TNFRSF10A: variants seen among roughly 807,000 people sequenced by gnomAD.
The protein encoded by TNFRSF10A is tumor necrosis factor receptor superfamily member 10A.
In TNFRSF10A, 44 loss-of-function variants were observed where a neutral mutation model predicts 42.8. The observed-to-expected ratio is 1.03, with a 90% confidence interval of 0.81 to 1.32. The LOEUF (loss-of-function observed/expected upper bound fraction) is 1.32, where lower values mean the gene tolerates loss of function less well. Ranked by LOEUF, TNFRSF10A falls within the 40% of genes most tolerant of loss-of-function variation. The pLI is 0.00. For synonymous variants in TNFRSF10A, 259 were observed against 234.2 expected, an observed-to-expected ratio of 1.11 and a Z score of -0.97; for missense variants, 680 against 602.0, an observed-to-expected ratio of 1.13 and a Z score of -1.36.
chr8:23,197,028 G>T (rs1800831716), intron 9 of TNFRSF10A, 104 bp downstream of exon 9: 2 of 1,482,332 alleles, frequency 1.3e-6, no homozygotes, highest in Non-Finnish European at 1.9e-6. Context: ...CCAGTTTCTG[G>T]CATGGAATGC....
intron 1 of TNFRSF10A, among the ~76,000 whole-genome samples, chr8:23,218,288 G>T (rs926024145): frequency 6.6e-6 from 1 of 152,086 alleles, no homozygotes; most frequent in African/African-American, 2.4e-5. Context: ...TCACCAGGGG[G>T]TTTCCTTGCC....
At chr8:23,209,513 C>A (rs1337450770) in intron 2 of TNFRSF10A, among the ~76,000 whole-genome samples, 5 of 152,210 alleles carry the variant, frequency 3.3e-5, no homozygotes, top group African/African-American at 1.2e-4. Flanking sequence ...GCCACAGGGG[C>A]GGAGCTGCCC....
intron 8 of TNFRSF10A, among the ~76,000 whole-genome samples, chr8:23,198,461 G>T (rs1800855274): frequency 6.6e-6 from 1 of 152,134 alleles, no homozygotes. Flanking sequence ...GGGGCAAGAA[G>T]AAATTAGGAA....
chr8:23,221,749 C>A (rs1332757012), intron 1 of TNFRSF10A, among the ~76,000 whole-genome samples: 1 of 152,182 alleles, frequency 6.6e-6, no homozygotes, highest in Admixed American at 6.5e-5. Flanking sequence ...TTCCTGGATC[C>A]TTGAAAATCT....
chr8:23,201,891 C>G lies in TNFRSF10A; in HGVS notation c.546G>C (p.Thr182=), dbSNP rs1390363755. ...SDEEERSPCT[T]TRNTACQCKP... is the part of the protein sequence containing the mutation. Reference sequence around the variant, plus strand: ...TGCACTGACATGCTGTGTTCCTGGTCGTGGTGCAGGGACTTCTCTCTTCTT... The same window carrying G: ...TGCACTGACATGCTGTGTTCCTGGTGGTGGTGCAGGGACTTCTCTCTTCTT... Residue 182 remains threonine (T), a synonymous_variant, in exon 4 of 10, where the codon ACG becomes ACC. Coordinates refer to ENST00000221132, the MANE Select transcript of TNFRSF10A (RefSeq NM_003844.4). 1 of 1,614,090 alleles carries G rather than the reference C, an allele frequency of 6.2e-7. No individual in the cohort carries two copies. Among genetic ancestry groups the G allele is most frequent in the African/African-American group, 1.3e-5 (1 of 75,010 alleles).
chr8:23,197,015 C>T (rs1292699424), intron 9 of TNFRSF10A, 117 bp downstream of exon 9: 1 of 1,345,808 alleles, frequency 7.4e-7, no homozygotes, highest in Non-Finnish European at 1.1e-6. Flanking sequence ...TAGCATAGGA[C>T]CCCCAGTTTC....
In TNFRSF10A at chr8:23,191,741, A is replaced by C; in HGVS notation, c.1360T>G (p.Phe454Val). ...IQDLLVDSGK[F>V]IYLEDGTGSA... The stretch of plus-strand genomic sequence containing the variant: ...CCTGTGCCATCTTCTAAGTAGATGA[A>C]CTTTCCAGAGTCCACCAAGAGGTCC... The change falls in exon 10 of 10, where the codon TTC (phenylalanine) becomes GTC (valine). Residue 454 changes from phenylalanine (F) to valine (V), a missense_variant. By Grantham distance (50) the Phe-to-Val change is conservative. Coordinates refer to ENST00000221132, the MANE Select transcript of TNFRSF10A (RefSeq NM_003844.4). The C allele has an allele frequency of 6.2e-7, 1 of 1,614,142 alleles. No individual in the cohort carries two copies. Among genetic ancestry groups the C allele is most frequent in the Non-Finnish European group, 8.5e-7 (1 of 1,180,032 alleles).
At chr8:23,200,346 G>A (rs967541454) in intron 6 of TNFRSF10A, among the ~76,000 whole-genome samples, 159 bp downstream of exon 6, 4 of 152,054 alleles carry the variant, frequency 2.6e-5, no homozygotes, top group African/African-American at 9.7e-5. Context: ...GGGCCCTAGG[G>A]TTGCACAGGA....
chr8:23,224,769 C>A lies in TNFRSF10A; in HGVS notation c.293G>T (p.Gly98Val). The A allele has an allele frequency of 6.4e-7, 1 of 1,567,500 alleles. No individual in the cohort carries two copies. The highest frequency in any genetic ancestry group is 8.6e-7 in the Non-Finnish European group (1 of 1,156,370). Residue 98 changes from glycine to valine, a missense_variant, in exon 1 of 10, where the codon GGG (glycine) becomes GTG (valine). Coordinates refer to ENST00000221132, the MANE Select transcript of TNFRSF10A (RefSeq NM_003844.4). ...VHKTFKFVVVGVLLQVVPSSA... is the reference protein window; with the variant it reads ...VHKTFKFVVVVVLLQVVPSSA... Reference sequence around the variant, plus strand: ...GTGGGGACTCACCTGCAGCAGGACCCCGACGACGACAAACTTGAAGGTCTT... The same window carrying A: ...GTGGGGACTCACCTGCAGCAGGACCACGACGACGACAAACTTGAAGGTCTT...
intron 1 of TNFRSF10A, 77 bp from the exon 2 acceptor site, chr8:23,212,289 C>A (rs1585285873): frequency 7.9e-7 from 1 of 1,264,038 alleles, no homozygotes; most frequent in Admixed American, 1.7e-5. Flanking sequence ...ACATTCCATT[C>A]CCCCAAGCCT....
At chr8:23,198,114 T>C (rs1800850093) in intron 8 of TNFRSF10A, among the ~76,000 whole-genome samples, 1 of 152,084 alleles carries the variant, frequency 6.6e-6, no homozygotes, top group Non-Finnish European at 1.5e-5. Context: ...GATCATTGTC[T>C]AGATGAGCAT....
rs1158982611 is a variant in TNFRSF10A, at chr8:23,190,957, A to ATGTCC, written c.*736_*737insGGACA. 4 of 152,214 alleles carry ATGTCC rather than the reference A, an allele frequency of 2.6e-5. No homozygotes were observed. In the East Asian group the frequency reaches 7.7e-4, roughly 29 times the overall value. The allele number at this position is 152,214 out of a possible 1,614,324, so 9.4% of individuals were successfully genotyped here. A position where few individuals can be genotyped will look rare whatever the true frequency, so the allele number is the denominator to read the frequency against. ...CCTAGACTCTGATGTCCACAGGCAG[A>ATGTCC]AGAGTGTCCCAGCTCCAGGAGATCA... On this transcript the variant is annotated 3_prime_UTR_variant, in exon 10 of 10. Coordinates refer to ENST00000221132, the MANE Select transcript of TNFRSF10A (RefSeq NM_003844.4).
chr8:23,196,383 A>T (rs1800822998), intron 9 of TNFRSF10A, among the ~76,000 whole-genome samples: 1 of 152,116 alleles, frequency 6.6e-6, no homozygotes, highest in Non-Finnish European at 1.5e-5. Context: ...TTTTTAGTAC[A>T]GAAGGGGTTT....
At position 23,199,431 on chromosome 8, in the gene TNFRSF10A, C is replaced by G; in HGVS notation, c.849G>C (p.Leu283Phe). The G allele has an allele frequency of 6.2e-7, 1 of 1,612,270 alleles. No homozygotes were observed. The highest frequency in any genetic ancestry group is 8.5e-7 in the Non-Finnish European group (1 of 1,178,404). The stretch of plus-strand genomic sequence containing the variant: ...CAGCCCCAGGCCCTCGTAGGAGACC[C>G]AAGCGCCAGAAACACACCTTAGGAA... Reference protein sequence around the residue: ...KCMDRVCFWRLGLLRGPGAED... With the variant: ...KCMDRVCFWRFGLLRGPGAED... The change falls in exon 8 of 10, where the codon TTG (leucine) becomes TTC (phenylalanine). Residue 283 changes from leucine (L) to phenylalanine (F), a missense_variant. By Grantham distance (22) the Leu-to-Phe change is conservative. Transcript: ENST00000221132.
intron 2 of TNFRSF10A, among the ~76,000 whole-genome samples, chr8:23,203,413 A>G (rs1271020591): frequency 6.6e-6 from 1 of 152,180 alleles, no homozygotes; most frequent in Admixed American, 6.5e-5. Flanking sequence ...CCCTATACAG[A>G]GTCAAAGAAT....
rs1009047172 is a variant in TNFRSF10A at position 23,196,344 on chromosome 8, C to T, written c.1087+788G>A. On this transcript the variant is annotated intron_variant, in intron 9 of 9. Coordinates refer to ENST00000221132, the MANE Select transcript of TNFRSF10A (RefSeq NM_003844.4). ...GAATAGCTGGGACTACAGGCGCCCG[C>T]CAATACGCCTGGCTAATTTTTTTTT... 6.6e-5 allele frequency among the ~76,000 whole-genome samples: 10 copies of T among 151,728 alleles called. No homozygotes were observed. The South Asian group carries it at 1.5e-3, about 22-fold the overall frequency.
chr8:23,206,906 C>T (rs950634451), intron 2 of TNFRSF10A: 3 of 267,692 alleles, frequency 1.1e-5, no homozygotes, highest in African/African-American at 2.3e-5. Flanking sequence ...AAAGAAAAGT[C>T]GTTTTCACAA....
intron 2 of TNFRSF10A, among the ~76,000 whole-genome samples, chr8:23,210,076 T>C (rs1801072114): frequency 6.6e-6 from 1 of 152,140 alleles, no homozygotes; most frequent in African/African-American, 2.4e-5. Context: ...AAGGTGGAGT[T>C]TTCCTGTACA....
At chr8:23,199,783 G>T in intron 7 of TNFRSF10A, 103 bp downstream of exon 7, 2 of 1,510,486 alleles carry the variant, frequency 1.3e-6, no homozygotes, top group South Asian at 1.1e-5. Context: ...AGAGACTCAG[G>T]GCAGCCATGA....
Sources: gnomAD v4.1 joint callset for allele counts (sites outside exome capture counted in the v4.1 genomes callset) on GRCh38, gnomAD v4.1.1 for gene constraint, MANE v1.5 for transcripts, NCBI Gene and HGNC (gene_info 2026-07-23, HGNC 2026-07-21) for gene names.